The following LRBA variants were observed in gnomAD, a reference collection of about 807,000 sequenced individuals.
The protein encoded by LRBA is LPS responsive beige-like anchor protein.
Under a neutral mutation model 330.0 loss-of-function variants are expected in LRBA, and 176 were observed. That is an observed-to-expected ratio of 0.53 (90% CI 0.47 to 0.60). The LOEUF is 0.60. LRBA is among the 20% of genes least tolerant of loss of function. The pLI is 0.00. For missense variants in LRBA, 3,259 were observed against 3,444.8 expected, an observed-to-expected ratio of 0.95 and a Z score of 1.35; for synonymous variants, 1,230 against 1,193.0, an observed-to-expected ratio of 1.03 and a Z score of -0.64.
At chr4:150,468,411 T>A (rs1755703789) in intron 43 of LRBA, among the ~76,000 whole-genome samples, 1 of 152,068 alleles carries the variant, frequency 6.6e-6, no homozygotes, top group Admixed American at 6.6e-5. Context: ...CACATGCTCT[T>A]CTATACATCT....
At chr4:150,294,722 T>C (rs1206356441) in intron 53 of LRBA, among the ~76,000 whole-genome samples, 2 of 152,120 alleles carry the variant, frequency 1.3e-5, no homozygotes, top group Non-Finnish European at 2.9e-5. Flanking sequence ...GAGGCCAAGG[T>C]GGGCGGATCA....
chr4:150,485,527 A>G (rs1186802380), intron 42 of LRBA, among the ~76,000 whole-genome samples: 1 of 151,948 alleles, frequency 6.6e-6, no homozygotes, highest in East Asian at 1.9e-4. Flanking sequence ...CCCAAGTCCA[A>G]TATGGCTGGT....
At chr4:150,348,328 C>A (rs1736687203) in intron 48 of LRBA, among the ~76,000 whole-genome samples, 1 of 152,138 alleles carries the variant, frequency 6.6e-6, no homozygotes. Flanking sequence ...CATTGCGTAA[C>A]CTTTAATGAA....
chr4:150,776,697 C>G (rs895967935), intron 34 of LRBA, among the ~76,000 whole-genome samples: 6 of 152,054 alleles, frequency 3.9e-5, no homozygotes, highest in Middle Eastern at 3.4e-3. Context: ...CCCATAATCC[C>G]AGCTACTCAG....
At chr4:150,938,309 C>T (rs184739266) in intron 2 of LRBA, among the ~76,000 whole-genome samples, 114 of 152,204 alleles carry the variant, frequency 7.5e-4, no homozygotes, top group African/African-American at 2.3e-3. Flanking sequence ...TCAAGATATC[C>T]AATTTTTCTC....
At chr4:150,310,568 A>G (rs941092571) in intron 51 of LRBA, 184 bp from the exon 52 acceptor site, 4 of 492,158 alleles carry the variant, frequency 8.1e-6, no homozygotes, top group Middle Eastern at 1.0e-3. Flanking sequence ...GCTAAATTCA[A>G]TATCTCAGTT....
intron 38 of LRBA, among the ~76,000 whole-genome samples, chr4:150,596,306 C>T (rs999538064): frequency 2.0e-5 from 3 of 151,830 alleles, no homozygotes; most frequent in Non-Finnish European, 4.4e-5. Flanking sequence ...TACTCTGCCA[C>T]CTTTACACTA....
chr4:150,292,400 A>C (rs1395254832), intron 53 of LRBA, among the ~76,000 whole-genome samples: 1 of 152,220 alleles, frequency 6.6e-6, no homozygotes, highest in African/African-American at 2.4e-5. Context: ...TTTGAAATGC[A>C]GTATAACGTT....
intron 13 of LRBA, among the ~76,000 whole-genome samples, chr4:150,903,762 A>G (rs1258142856): frequency 1.3e-5 from 2 of 152,194 alleles, no homozygotes; most frequent in African/African-American, 4.8e-5. Context: ...AGCAACGTAT[A>G]GAGATGAATG....
At chr4:150,416,674 T>C (rs1374813964) in intron 46 of LRBA, among the ~76,000 whole-genome samples, 2 of 150,600 alleles carry the variant, frequency 1.3e-5, no homozygotes, top group Admixed American at 6.6e-5. Flanking sequence ...TAGCTATAAA[T>C]AAAATTAGAT....
At chr4:150,449,523 A>G (rs77181054) in intron 44 of LRBA, among the ~76,000 whole-genome samples, 5 of 137,254 alleles carry the variant, frequency 3.6e-5, no homozygotes, top group African/African-American at 8.3e-5. Context: ...CTACTTCTGG[A>G]AAAAAAAAAA....
At chr4:150,377,970 C>A (rs375288176) in intron 47 of LRBA, among the ~76,000 whole-genome samples, 1,160 of 130,446 alleles carry the variant, frequency 8.9e-3, no homozygotes, top group Non-Finnish European at 0.011. Context: ...GACTCTGTCT[C>A]AAAAAAAAAA....
intron 37 of LRBA, among the ~76,000 whole-genome samples, chr4:150,664,482 A>G (rs1363181521): frequency 1.3e-5 from 2 of 152,172 alleles, no homozygotes; most frequent in African/African-American, 4.8e-5. Context: ...CTCCATTTAT[A>G]TATCCTCTAA....
At chr4:150,957,203 C>T (rs1343568555) in intron 2 of LRBA, among the ~76,000 whole-genome samples, 1 of 148,612 alleles carries the variant, frequency 6.7e-6, no homozygotes, top group African/African-American at 2.6e-5. Flanking sequence ...AAAGACATAC[C>T]TGAGACTGGG....
intron 33 of LRBA, 32 bp downstream of exon 33, chr4:150,806,239 A>G: frequency 2.1e-6 from 3 of 1,452,168 alleles, no homozygotes; most frequent in Non-Finnish European, 2.8e-6. Flanking sequence ...AAATATAAAT[A>G]CATACAAATA....
chr4:150,723,082 T>C (rs1346301999), intron 36 of LRBA, among the ~76,000 whole-genome samples: 1 of 152,068 alleles, frequency 6.6e-6, no homozygotes, highest in Non-Finnish European at 1.5e-5. Context: ...CCACGCAGGC[T>C]AAAGTACACT....
At chr4:150,333,277 T>G (rs1445931554) in intron 48 of LRBA, among the ~76,000 whole-genome samples, 1 of 151,738 alleles carries the variant, frequency 6.6e-6, no homozygotes, top group Non-Finnish European at 1.5e-5. Context: ...AACTTAAACA[T>G]ATGGACACAA....
chr4:150,443,450 A>C (rs1240261964), intron 44 of LRBA, among the ~76,000 whole-genome samples: 1 of 152,178 alleles, frequency 6.6e-6, no homozygotes, highest in Non-Finnish European at 1.5e-5. Context: ...AACCAACCCA[A>C]ATGTCCAACA....
chr4:150,952,256 G>A (rs202051384), intron 2 of LRBA, among the ~76,000 whole-genome samples: 1 of 113,390 alleles, frequency 8.8e-6, no homozygotes, highest in Non-Finnish European at 1.7e-5. Context: ...TGTTGTATAT[G>A]TGTGTGTGTG....
Sources: gnomAD v4.1 joint callset for allele counts (sites outside exome capture counted in the v4.1 genomes callset) on GRCh38, gnomAD v4.1.1 for gene constraint, MANE v1.5 for transcripts, NCBI Gene and HGNC (gene_info 2026-07-23, HGNC 2026-07-21) for gene names.